PDE4D: variants seen among roughly 807,000 people sequenced by gnomAD.
The protein encoded by PDE4D is phosphodiesterase 4D, also known as 3',5'-cyclic-AMP phosphodiesterase 4D.
PDE4D carries 24 observed loss-of-function variants against 87.4 expected under a neutral mutation model. The ratio of observed to expected loss-of-function variants is 0.27; its 90% CI spans 0.20 to 0.39. PDE4D has a LOEUF of 0.39. PDE4D is among the 10% of genes least tolerant of loss of function. PDE4D has a pLI of 1.00. For synonymous variants in PDE4D, 384 were observed against 383.2 expected, an observed-to-expected ratio of 1.00 and a Z score of -0.02; for missense variants, 714 against 1,041.0, an observed-to-expected ratio of 0.69 and a Z score of 4.32.
intron 5 of PDE4D, chr5:59,039,694 G>A (rs1233196362): frequency 4.9e-6 from 1 of 203,684 alleles, no homozygotes; most frequent in East Asian, 1.9e-4. Context: ...GCCACCCGCC[G>A]CGTCCTTCCC....
Position 59,694,013 on chromosome 5 carries a change from G to A in PDE4D, c.455+199155C>T, listed in dbSNP as rs190274849. ...ATGAATAGCATTTGAATTTATACTC[G>A]GGGAGGAAAAAAAGGACTTCAAAGA... On this transcript the variant is annotated intron_variant, in intron 1 of 14. Transcript: ENST00000340635. Among the ~76,000 whole-genome samples the A allele has an allele frequency of 1.8e-3, 269 of 151,876 alleles. 1 individual carries two copies. The highest frequency in any genetic ancestry group is 6.2e-3 in the African/African-American group (256 of 41,452).
chr5:60,287,452 C>G (rs1039306665), intron 1 of PDE4D, among the ~76,000 whole-genome samples: 1 of 152,104 alleles, frequency 6.6e-6, no homozygotes, highest in Admixed American at 6.6e-5. Context: ...CGGGAAGGCT[C>G]TTCAAAGACA....
intron 6 of PDE4D, among the ~76,000 whole-genome samples, chr5:59,018,250 T>TGAAA (rs1754433884): frequency 6.6e-6 from 1 of 152,180 alleles, no homozygotes; most frequent in East Asian, 1.9e-4. Flanking sequence ...TGAGAATGCT[T>TGAAA]TTGGAGATTT....
At chr5:59,103,809 T>C (rs1422401652) in intron 5 of PDE4D, among the ~76,000 whole-genome samples, 2 of 152,208 alleles carry the variant, frequency 1.3e-5, no homozygotes, top group African/African-American at 4.8e-5. Flanking sequence ...TTTGTATGTG[T>C]GAGCAGGGAT....
At chr5:60,044,822 C>A (rs1046724149) in intron 2 of PDE4D, among the ~76,000 whole-genome samples, 12 of 152,304 alleles carry the variant, frequency 7.9e-5, no homozygotes, top group African/African-American at 2.9e-4. Context: ...CCACAATAAA[C>A]ATACGTGTGC....
chr5:60,139,434 C>T (rs1780328860), intron 2 of PDE4D, among the ~76,000 whole-genome samples: 2 of 151,792 alleles, frequency 1.3e-5, no homozygotes, highest in African/African-American at 4.8e-5. Flanking sequence ...AATGAAAATC[C>T]CTTAAAACTA....
chr5:59,354,340 A>G (rs1350507586), intron 1 of PDE4D, among the ~76,000 whole-genome samples: 1 of 152,210 alleles, frequency 6.6e-6, no homozygotes, highest in Non-Finnish European at 1.5e-5. Flanking sequence ...TTTTTAAAAA[A>G]TAAGAAATGC....
chr5:59,709,567 T>C (rs934722150), intron 1 of PDE4D, among the ~76,000 whole-genome samples: 3 of 152,166 alleles, frequency 2.0e-5, no homozygotes, highest in Non-Finnish European at 4.4e-5. Context: ...AGTCACAAAC[T>C]TGTTTCTGAC....
chr5:59,783,158 C>A (rs1189716966), intron 1 of PDE4D, among the ~76,000 whole-genome samples: 2 of 152,212 alleles, frequency 1.3e-5, no homozygotes, highest in Admixed American at 6.5e-5. Context: ...TTTTGGTATT[C>A]TTCCATCTAC....
At chr5:60,124,963 C>G (rs922072524) in intron 2 of PDE4D, among the ~76,000 whole-genome samples, 1 of 152,178 alleles carries the variant, frequency 6.6e-6, no homozygotes, top group Non-Finnish European at 1.5e-5. Context: ...GACTTCCAAG[C>G]CTTTCCTCAC....
intron 1 of PDE4D, among the ~76,000 whole-genome samples, chr5:59,387,921 T>C (rs1787417610): frequency 6.6e-6 from 1 of 152,080 alleles, no homozygotes; most frequent in African/African-American, 2.4e-5. Context: ...AAATTTTGTG[T>C]CCTTTGACTA....
intron 2 of PDE4D, among the ~76,000 whole-genome samples, chr5:60,091,183 A>G (rs908599680): frequency 1.1e-4 from 16 of 152,358 alleles, no homozygotes; most frequent in African/African-American, 3.8e-4. Flanking sequence ...CTTCAGCACA[A>G]CAATGTAAAT....
chr5:60,015,275 A>G (rs1765397884), intron 2 of PDE4D, among the ~76,000 whole-genome samples: 1 of 152,238 alleles, frequency 6.6e-6, no homozygotes, highest in Non-Finnish European at 1.5e-5. Flanking sequence ...TGCTGTGGCC[A>G]GAGGGAAGAT....
At chr5:60,237,830 G>A (rs1029940851) in intron 1 of PDE4D, among the ~76,000 whole-genome samples, 3 of 151,934 alleles carry the variant, frequency 2.0e-5, no homozygotes, top group Non-Finnish European at 2.9e-5. Flanking sequence ...GGGAAACTGG[G>A]TGAATGGTAC....
At chr5:60,257,571 T>C (rs535568872) in intron 1 of PDE4D, among the ~76,000 whole-genome samples, 1 of 152,120 alleles carries the variant, frequency 6.6e-6, no homozygotes, top group East Asian at 1.9e-4. Context: ...AGTTATCTGA[T>C]AAAATGACAA....
chr5:60,265,457 C>T (rs1750096344), intron 1 of PDE4D, among the ~76,000 whole-genome samples: 1 of 152,202 alleles, frequency 6.6e-6, no homozygotes, highest in Non-Finnish European at 1.5e-5. Flanking sequence ...TAGGAGACCT[C>T]ACCCACAGGA....
At chr5:59,346,311 A>T (rs1032413204) in intron 1 of PDE4D, among the ~76,000 whole-genome samples, 10 of 152,096 alleles carry the variant, frequency 6.6e-5, no homozygotes, top group Non-Finnish European at 1.5e-5. Context: ...TCTTACTGGC[A>T]CATTCACACC....
intron 11 of PDE4D, among the ~76,000 whole-genome samples, chr5:58,978,619 C>A (rs1744382185): frequency 6.6e-6 from 1 of 152,072 alleles, no homozygotes; most frequent in Non-Finnish European, 1.5e-5. Context: ...ACATTTTCAA[C>A]TGAGAAATTC....
At chr5:59,493,071 G>A (rs142381775) in intron 1 of PDE4D, among the ~76,000 whole-genome samples, 9 of 152,198 alleles carry the variant, frequency 5.9e-5, no homozygotes, top group African/African-American at 1.4e-4. Flanking sequence ...TCAGTGAGAG[G>A]TGTCCATTGG....
Sources: allele counts gnomAD v4.1 joint callset (sites outside exome capture counted in the v4.1 genomes callset), GRCh38; gene constraint gnomAD v4.1.1; transcripts MANE v1.5; gene names NCBI Gene and HGNC (gene_info 2026-07-23, HGNC 2026-07-21).